Variants in ECPAS observed in about 807,000 individuals in gnomAD.
ECPAS encodes Ecm29 proteasome adaptor and scaffold, also known as proteasome adapter and scaffold protein ECM29.
A neutral mutation model predicts 255.1 loss-of-function variants in ECPAS; 70 were observed. The ratio of observed to expected loss-of-function variants is 0.27; its 90% CI spans 0.23 to 0.33. ECPAS has a LOEUF of 0.33. ECPAS is among the 10% of genes least tolerant of loss of function. The pLI is 1.00. For synonymous variants in ECPAS, 784 were observed against 775.0 expected (o/e 1.01, Z -0.19); for missense variants, 1,817 against 2,206.4 (o/e 0.82, Z 3.54).
chr9:111,456,402 C>A (rs765854843), intron 2 of ECPAS, among the ~76,000 whole-genome samples: 17 of 152,124 alleles, frequency 1.1e-4, no homozygotes, highest in African/African-American at 3.6e-4. Context: ...AGTCTTCTGA[C>A]CTTTAGTCTA....
intron 1 of ECPAS, among the ~76,000 whole-genome samples, chr9:111,479,056 G>A (rs184079589): frequency 6.6e-6 from 1 of 152,138 alleles, no homozygotes; most frequent in Non-Finnish European, 1.5e-5. Context: ...AGAGACTGAG[G>A]ACACTGGGAC....
chr9:111,414,031 G>T, intron 19 of ECPAS, 45 bp from the exon 20 acceptor site: 1 of 1,282,144 alleles, frequency 7.8e-7, no homozygotes. Flanking sequence ...GAAAAGTAAT[G>T]AACATACAGG....
At chr9:111,476,479 T>G (rs1434676042) in intron 1 of ECPAS, among the ~76,000 whole-genome samples, 3 of 152,042 alleles carry the variant, frequency 2.0e-5, no homozygotes, top group East Asian at 1.9e-4. Context: ...ATTTACAAAC[T>G]AGATTTCAGA....
At chr9:111,398,067 AG>A (rs1440896164) in intron 24 of ECPAS, among the ~76,000 whole-genome samples, 4 of 152,224 alleles carry the variant, frequency 2.6e-5, no homozygotes, top group Admixed American at 2.6e-4. Flanking sequence ...AGGAGAAATA[AG>A]GGAATGAACA....
intron 38 of ECPAS, among the ~76,000 whole-genome samples, 166 bp from the exon 39 acceptor site, chr9:111,374,204 C>T (rs114135891): frequency 9.6e-4 from 146 of 152,236 alleles, no homozygotes; most frequent in African/African-American, 3.0e-3. Flanking sequence ...AGTAATGCAG[C>T]GATTTTTTTT....
At chr9:111,396,777 C>A (rs1476994334) in intron 25 of ECPAS, among the ~76,000 whole-genome samples, 1 of 152,132 alleles carries the variant, frequency 6.6e-6, no homozygotes, top group Non-Finnish European at 1.5e-5. Flanking sequence ...GTCTCTAACT[C>A]CTGACCTCAG....
In ECPAS at chr9:111,410,954, C is replaced by A. The variant is rs144469916; in HGVS notation, c.2377+26G>T. The A allele has an allele frequency of 2.5e-6, 4 of 1,577,680 alleles. No individual in the cohort carries two copies. In the South Asian group the frequency reaches 3.5e-5, roughly 14 times the overall value. On this transcript the variant is annotated intron_variant, in intron 22 of 49. Coordinates refer to ENST00000684092, the MANE Select transcript of ECPAS (RefSeq NM_001364929.1). The stretch of plus-strand genomic sequence containing the variant: ...AACATAATTCAAAAACTGCAACACC[C>A]AAATCGACATAAAGACATTAATTAC...
chr9:111,477,710 A>C (rs2098298189), intron 1 of ECPAS, among the ~76,000 whole-genome samples: 1 of 152,300 alleles, frequency 6.6e-6, no homozygotes, highest in African/African-American at 2.4e-5. Flanking sequence ...CCAAACTCAC[A>C]GGGTTGTTCT....
chr9:111,373,038 A>C (rs1182574331), intron 41 of ECPAS, 132 bp downstream of exon 41: 8 of 836,088 alleles, frequency 9.6e-6, no homozygotes, highest in Non-Finnish European at 1.4e-5. Flanking sequence ...TCTCAAAAAA[A>C]AAGAAAAGAA....
At chr9:111,446,369 T>C (rs1364897595) in intron 3 of ECPAS, among the ~76,000 whole-genome samples, 1 of 152,198 alleles carries the variant, frequency 6.6e-6, no homozygotes, top group Non-Finnish European at 1.5e-5. Flanking sequence ...TTAGAAGGCC[T>C]TGCCTAAGAA....
At chr9:111,395,955 A>G (rs16916056) in intron 25 of ECPAS, among the ~76,000 whole-genome samples, 8,483 of 152,296 alleles carry the variant, frequency 0.056, 571 homozygotes, top group African/African-American at 0.15. Flanking sequence ...CAGTGCAAGC[A>G]AAAGTGTGTT....
At chr9:111,482,017 T>C (rs770228200) in intron 1 of ECPAS, among the ~76,000 whole-genome samples, 1 of 152,228 alleles carries the variant, frequency 6.6e-6, no homozygotes, top group Non-Finnish European at 1.5e-5. Context: ...TGGAAATGGA[T>C]GGTGGTGATG....
At chr9:111,431,349 G>A (rs1194143686) in intron 8 of ECPAS, among the ~76,000 whole-genome samples, 1 of 152,166 alleles carries the variant, frequency 6.6e-6, no homozygotes, top group Non-Finnish European at 1.5e-5. Context: ...CCTGAGGATA[G>A]GAGTTCAAGG....
rs1342709771 is a variant in ECPAS, at chr9:111,392,899, C to T, written c.2978-17G>A. 1 of 1,572,502 alleles carries T rather than the reference C, an allele frequency of 6.4e-7. No homozygotes were observed. Among genetic ancestry groups the T allele is most frequent in the Non-Finnish European group, 8.7e-7 (1 of 1,154,794 alleles). On this transcript the variant is annotated splice_polypyrimidine_tract_variant and intron_variant, in intron 27 of 49. Coordinates refer to ENST00000684092, the MANE Select transcript of ECPAS (RefSeq NM_001364929.1). ...GGCTAAGTTCTACAAGAAAGTCAGA[C>T]AAGATTGTATCACTTTAAAAAAAAT...
At chr9:111,375,451 AAAT>A (rs1483381906) in intron 37 of ECPAS, among the ~76,000 whole-genome samples, 1 of 152,206 alleles carries the variant, frequency 6.6e-6, no homozygotes, top group Non-Finnish European at 1.5e-5. Context: ...TAAAAAAGAA[AAAT>A]AATGATTACT....
intron 38 of ECPAS, among the ~76,000 whole-genome samples, chr9:111,374,861 G>A (rs917267084): frequency 2.0e-5 from 3 of 152,088 alleles, no homozygotes; most frequent in African/African-American, 7.2e-5. Flanking sequence ...ACAACCCAGA[G>A]GGTATGTACA....
chr9:111,484,370 A>T lies in ECPAS; in HGVS notation c.-337T>A. On this transcript the variant is annotated 5_prime_UTR_variant, in exon 1 of 50. Transcript: ENST00000684092. ...TGGGGAAACACGCCTGTCCAAAGGA[A>T]GAGACGTGGACTCAGAAAAGTAGAG... 6.2e-7 allele frequency: 1 copy of T among 1,611,622 alleles called. No homozygotes were observed. Among genetic ancestry groups the T allele is most frequent in the East Asian group, 2.2e-5 (1 of 44,830 alleles).
chr9:111,477,344 T>C (rs2098297631), intron 1 of ECPAS, among the ~76,000 whole-genome samples: 1 of 152,086 alleles, frequency 6.6e-6, no homozygotes, highest in Non-Finnish European at 1.5e-5. Flanking sequence ...ACTCCTGCTC[T>C]CAACTTATCC....
At chr9:111,389,778 A>G in intron 30 of ECPAS, 55 bp from the exon 31 acceptor site, 1 of 1,514,970 alleles carries the variant, frequency 6.6e-7, no homozygotes, top group South Asian at 1.3e-5. Context: ...AAATATTAAC[A>G]TAGCAAAAAA....
Sources: gnomAD v4.1 joint callset for allele counts (sites outside exome capture counted in the v4.1 genomes callset) on GRCh38, gnomAD v4.1.1 for gene constraint, MANE v1.5 for transcripts, NCBI Gene and HGNC (gene_info 2026-07-23, HGNC 2026-07-21) for gene names.